The following AMY2B variants were observed in gnomAD, a reference collection of about 807,000 sequenced individuals.
AMY2B encodes the protein alpha-amylase 2B.
AMY2B carries 63 observed loss-of-function variants against 59.3 expected under a neutral mutation model. That is an observed-to-expected ratio of 1.06 (90% CI 0.87 to 1.31). The LOEUF (loss-of-function observed/expected upper bound fraction) is 1.31, where lower values mean the gene tolerates loss of function less well. AMY2B is among the 50% of genes most tolerant of loss of function. The pLI is 0.00. For missense variants in AMY2B, 635 were observed against 626.7 expected (o/e 1.01, Z -0.14); for synonymous variants, 180 against 198.1 (o/e 0.91, Z 0.77).
chr1:103,559,250 T>C (rs1268728470), intron 1 of AMY2B, among the ~76,000 whole-genome samples: 1 of 152,208 alleles, frequency 6.6e-6, no homozygotes, highest in African/African-American at 2.4e-5. Flanking sequence ...GTTTCCTATG[T>C]TTAAATATAT....
chr1:103,570,676 TG>T, upstream of AMY2B: 1 of 579,414 alleles, frequency 1.7e-6, no homozygotes, highest in Non-Finnish European at 3.4e-6. Flanking sequence ...TGCTTCTAAA[TG>T]GACTGTGAGC....
chr1:103,579,277 G>T (rs1299145748), intron 9 of AMY2B, 34 bp from the exon 10 acceptor site: 1 of 1,611,406 alleles, frequency 6.2e-7, no homozygotes. Context: ...GATTTTCAGT[G>T]TATTGAAGTT....
At chr1:103,556,586 C>G (rs575077281) in intron 1 of AMY2B, among the ~76,000 whole-genome samples, 24 of 151,344 alleles carry the variant, frequency 1.6e-4, no homozygotes, top group Admixed American at 9.9e-4. Context: ...GTATAGTATA[C>G]TAAGTATAGT....
chr1:103,558,357 T>G (rs1651623195), intron 1 of AMY2B, among the ~76,000 whole-genome samples: 2 of 152,186 alleles, frequency 1.3e-5, no homozygotes, highest in Admixed American at 1.3e-4. Flanking sequence ...TATTCTGTCC[T>G]GATTGATACA....
At chr1:103,568,802 AAT>A (rs952706099), upstream of AMY2B, 4 of 151,366 alleles carry the variant, frequency 2.6e-5, no homozygotes, top group Non-Finnish European at 4.4e-5. Flanking sequence ...ATATATATGG[AAT>A]ATATATATGT....
chr1:103,555,471 A>G (rs1400835473), intron 1 of AMY2B, among the ~76,000 whole-genome samples: 1 of 151,972 alleles, frequency 6.6e-6, no homozygotes, highest in Non-Finnish European at 1.5e-5. Context: ...TTTTTTGGAA[A>G]TGGGGGTTTA....
intron 2 of AMY2B, among the ~76,000 whole-genome samples, chr1:103,572,484 A>C (rs1209949204): frequency 6.6e-6 from 1 of 152,230 alleles, no homozygotes; most frequent in Non-Finnish European, 1.5e-5. Flanking sequence ...TTACTTCTAA[A>C]GCAAAACATC....
At chr1:103,570,598 C>T (rs1652089875), upstream of AMY2B, 3 of 591,104 alleles carry the variant, frequency 5.1e-6, no homozygotes, top group Non-Finnish European at 1.0e-5. Flanking sequence ...TCACTGTCAG[C>T]CTTCCAGCAG....
chr1:103,556,569 GTACTAAGTATAGTA>G (rs1014869065), intron 1 of AMY2B, among the ~76,000 whole-genome samples: 5 of 151,628 alleles, frequency 3.3e-5, no homozygotes, highest in African/African-American at 9.7e-5. Flanking sequence ...ATATATAATA[GTACTAAGTATAGTA>G]TACTAAGTAT....
At chr1:103,563,413 T>TA (rs1443453584) in intron 1 of AMY2B, among the ~76,000 whole-genome samples, 1 of 152,158 alleles carries the variant, frequency 6.6e-6, no homozygotes, top group African/African-American at 2.4e-5. Flanking sequence ...AGAAAGTAGA[T>TA]ATAACAACTA....
intron 4 of AMY2B, 85 bp downstream of exon 4, chr1:103,574,023 A>G: frequency 1.2e-6 from 2 of 1,605,112 alleles, no homozygotes; most frequent in Non-Finnish European, 1.7e-6. Flanking sequence ...CAATTTCTAT[A>G]GGATAAGGAC....
upstream of AMY2B, chr1:103,571,279 T>G: frequency 1.4e-6 from 1 of 731,582 alleles, no homozygotes; most frequent in Admixed American, 3.9e-5. Context: ...CAATTCTCGA[T>G]CTTTAAAGAG....
rs527495541 is a variant in AMY2B, at chr1:103,572,019, T to A, written c.169-91T>A. 1.7e-5 allele frequency: 27 copies of A among 1,588,086 alleles called. No individual in the cohort carries two copies. In the East Asian group the frequency reaches 5.6e-4, roughly 33 times the overall value. On this transcript the variant is annotated intron_variant, in intron 1 of 9. Coordinates refer to ENST00000684275, the MANE Select transcript of AMY2B (RefSeq NM_001387437.1). The stretch of plus-strand genomic sequence containing the variant: ...AAGAGATAGCTGCATATACCAAGAT[T>A]CAAGAATTTTTTATATTATTGATTA...
chr1:103,579,462 G>T lies in AMY2B; in HGVS notation c.1498G>T (p.Asp500Tyr), dbSNP rs1407981975. The T allele has an allele frequency of 1.2e-6, 2 of 1,611,626 alleles. No homozygotes were observed. ...TTTTTCTATTAGTAACTCTGCTGAG[G>T]ATCCATTTATTGCAATTCATGCTGA... ...AHFSISNSAE[D>Y]PFIAIHAESK... Residue 500 changes from aspartate to tyrosine, a missense_variant, in exon 10 of 10, where the codon GAT (aspartate) becomes TAT (tyrosine). Coordinates refer to ENST00000684275, the MANE Select transcript of AMY2B (RefSeq NM_001387437.1).
At chr1:103,574,169 T>A in intron 4 of AMY2B, 91 bp from the exon 5 acceptor site, 1 of 1,562,378 alleles carries the variant, frequency 6.4e-7, no homozygotes, top group East Asian at 2.3e-5. Context: ...AACAAATAGC[T>A]TAAAGCTATC....
At chr1:103,557,497 CAAA>C (rs910438470) in intron 1 of AMY2B, among the ~76,000 whole-genome samples, 1 of 151,348 alleles carries the variant, frequency 6.6e-6, no homozygotes, top group Non-Finnish European at 1.5e-5. Context: ...ACTAAAAATA[CAAA>C]AAAAATTGCT....
At chr1:103,564,799 T>G (rs1651853631) in intron 1 of AMY2B, among the ~76,000 whole-genome samples, 2 of 152,158 alleles carry the variant, frequency 1.3e-5, no homozygotes, top group African/African-American at 4.8e-5. Flanking sequence ...CTTCATATCT[T>G]TTTTTAATTG....
At chr1:103,577,431 G>A (rs1570650855) in intron 7 of AMY2B, 59 bp from the exon 8 acceptor site, 1 of 1,611,168 alleles carries the variant, frequency 6.2e-7, no homozygotes, top group East Asian at 2.2e-5. Flanking sequence ...TTGGTTTAAA[G>A]GAGAAGGAAG....
At chr1:103,579,140 C>T (rs1652477035) in intron 9 of AMY2B, among the ~76,000 whole-genome samples, 171 bp from the exon 10 acceptor site, 1 of 152,120 alleles carries the variant, frequency 6.6e-6, no homozygotes, top group African/African-American at 2.4e-5. Flanking sequence ...TGTAAGGTTA[C>T]TTTTGGTCCT....
Sources: gnomAD v4.1 joint callset for allele counts (sites outside exome capture counted in the v4.1 genomes callset) on GRCh38, gnomAD v4.1.1 for gene constraint, MANE v1.5 for transcripts, NCBI Gene and HGNC (gene_info 2026-07-23, HGNC 2026-07-21) for gene names.